The following TASP1 variants were observed in gnomAD, a reference collection of about 807,000 sequenced individuals.
TASP1 encodes the protein taspase 1.
Under a neutral mutation model 56.6 loss-of-function variants are expected in TASP1, and 16 were observed. That is an observed-to-expected ratio of 0.28 (90% CI 0.19 to 0.43). The LOEUF is 0.43. Ranked by LOEUF, TASP1 falls within the 20% of genes least tolerant of loss-of-function variation. TASP1 has a pLI of 1.00. For synonymous variants in TASP1, 179 were observed against 184.2 expected, an observed-to-expected ratio of 0.97 and a Z score of 0.23; for missense variants, 393 against 511.6, an observed-to-expected ratio of 0.77 and a Z score of 2.24.
intron 8 of TASP1, 99 bp downstream of exon 8, chr20:13,558,909 T>A: frequency 1.5e-6 from 1 of 657,500 alleles, no homozygotes; most frequent in South Asian, 4.0e-5. Context: ...GTGACACACA[T>A]TCTATTTCTA....
At chr20:13,315,922 C>G in the TASP1 span, among the ~76,000 whole-genome samples, 3 of 151,866 alleles carry the variant, frequency 2.0e-5, no homozygotes, top group Non-Finnish European at 4.4e-5. Context: ...CATCTCAAGA[C>G]AAACTTTTAA....
At position 13,486,440 on chromosome 20, in the gene TASP1, C is replaced by A. The variant is rs991982768; in HGVS notation, c.875-3103G>T. Among the ~76,000 whole-genome samples the A allele has an allele frequency of 7.2e-5, 11 of 152,052 alleles. 1 individual carries two copies. Among genetic ancestry groups the A allele is most frequent in the African/African-American group, 2.7e-4 (11 of 41,412 alleles). On this transcript the variant is annotated intron_variant, in intron 10 of 13. Coordinates refer to ENST00000337743, the MANE Select transcript of TASP1 (RefSeq NM_017714.3). ...AATGGATTAAAACACATAATAAATT[C>A]ATAACTTATGTTTTTAAAAGCACTA... is the stretch of plus-strand genomic sequence containing the variant.
At chr20:13,334,314 A>G in the TASP1 span, among the ~76,000 whole-genome samples, 1 of 152,250 alleles carries the variant, frequency 6.6e-6, no homozygotes, top group African/African-American at 2.4e-5. Flanking sequence ...AGGCTTGGTA[A>G]GGGAAGATGG....
intron 11 of TASP1, among the ~76,000 whole-genome samples, chr20:13,456,161 C>G (rs530561520): frequency 6.6e-6 from 1 of 152,260 alleles, no homozygotes; most frequent in South Asian, 2.1e-4. Context: ...CAAAAACATA[C>G]CAGTCAAGAG....
the TASP1 span, among the ~76,000 whole-genome samples, chr20:13,112,888 A>C: frequency 1.3e-5 from 2 of 152,180 alleles, no homozygotes; most frequent in African/African-American, 2.4e-5. Flanking sequence ...CTATCACCAG[A>C]TATTTCCCAT....
intron 2 of TASP1, among the ~76,000 whole-genome samples, chr20:13,627,986 C>T (rs1200064837): frequency 1.4e-4 from 21 of 152,190 alleles, no homozygotes; most frequent in Admixed American, 6.5e-5. Flanking sequence ...TGGTCTCCTA[C>T]GGAAAATGTT....
intron 8 of TASP1, among the ~76,000 whole-genome samples, chr20:13,545,302 C>T (rs955461449): frequency 2.0e-4 from 30 of 152,014 alleles, no homozygotes; most frequent in African/African-American, 7.2e-4. Context: ...TATGATAGTG[C>T]CATATCCTAG....
intron 10 of TASP1, among the ~76,000 whole-genome samples, chr20:13,525,957 T>C (rs1184039558): frequency 2.0e-5 from 3 of 152,146 alleles, no homozygotes; most frequent in Admixed American, 1.3e-4. Flanking sequence ...AAGCTAGAGG[T>C]ATCTTTAGAC....
the TASP1 span, among the ~76,000 whole-genome samples, chr20:13,258,305 T>A: frequency 6.6e-6 from 1 of 152,006 alleles, no homozygotes. Context: ...ACCCCACAGC[T>A]CTCTCTTTCC....
At chr20:13,299,228 C>G in the TASP1 span, 1 of 1,600,774 alleles carries the variant, frequency 6.2e-7, no homozygotes, top group East Asian at 2.3e-5. The surrounding 1 kb of genome is among the most constrained non-coding windows in gnomAD (Gnocchi z 5.8). Context: ...GCTGCTACGG[C>G]GACAACATGC....
intron 8 of TASP1, among the ~76,000 whole-genome samples, chr20:13,551,958 T>C (rs980178378): frequency 6.6e-6 from 1 of 152,106 alleles, no homozygotes; most frequent in Non-Finnish European, 1.5e-5. Flanking sequence ...TTTGCAGAAA[T>C]TATGGAAGAT....
intron 12 of TASP1, among the ~76,000 whole-genome samples, chr20:13,431,574 A>G (rs2042807553): frequency 6.6e-6 from 1 of 152,210 alleles, no homozygotes; most frequent in Admixed American, 6.5e-5. Flanking sequence ...AATCATAACA[A>G]CAATGGTATT....
chr20:13,400,837 T>C (rs986095937), intron 13 of TASP1, among the ~76,000 whole-genome samples: 6 of 152,238 alleles, frequency 3.9e-5, no homozygotes, highest in East Asian at 3.8e-4. Flanking sequence ...AAGTCATACA[T>C]TGTAACTATC....
At chr20:13,212,850 A>G in the TASP1 span, among the ~76,000 whole-genome samples, 1 of 152,208 alleles carries the variant, frequency 6.6e-6, no homozygotes, top group South Asian at 2.1e-4. Flanking sequence ...CATCCTGTTT[A>G]GAGTTTACAA....
intron 4 of TASP1, among the ~76,000 whole-genome samples, chr20:13,595,645 G>A (rs575625372): frequency 6.6e-6 from 1 of 152,266 alleles, no homozygotes; most frequent in South Asian, 2.1e-4. Context: ...TTACATAATG[G>A]TAAAGGGATC....
At chr20:13,447,846 G>T (rs1486104529) in intron 11 of TASP1, among the ~76,000 whole-genome samples, 1 of 151,896 alleles carries the variant, frequency 6.6e-6, no homozygotes, top group African/African-American at 2.4e-5. Flanking sequence ...TTACTAATTT[G>T]CTATACTCTT....
the TASP1 span, among the ~76,000 whole-genome samples, chr20:13,215,944 T>C: frequency 6.6e-6 from 1 of 152,322 alleles, no homozygotes; most frequent in Admixed American, 6.5e-5. Context: ...GACCCCTTCG[T>C]AGTTCAAAGG....
chr20:13,563,475 A>G (rs1204117781), intron 7 of TASP1, among the ~76,000 whole-genome samples: 3 of 152,122 alleles, frequency 2.0e-5, no homozygotes, highest in African/African-American at 7.2e-5. Flanking sequence ...AAAGCTATCA[A>G]CCAATACCCC....
chr20:13,390,292 C>A lies in TASP1; in HGVS notation c.*68G>T. ...ACAAGAAAGATAAAACAACCAACTTCAGTTAAAAACCCCCAAAAGCTCAGG... is the reference window on the plus strand; with the variant it reads ...ACAAGAAAGATAAAACAACCAACTTAAGTTAAAAACCCCCAAAAGCTCAGG... On this transcript the variant is annotated 3_prime_UTR_variant, in exon 14 of 14. Transcript: ENST00000337743. 7.1e-7 allele frequency: 1 copy of A among 1,402,632 alleles called. No homozygotes were observed. Among genetic ancestry groups the A allele is most frequent in the Non-Finnish European group, 1.0e-6 (1 of 1,002,724 alleles). 86.9% of individuals were successfully genotyped at this position (1,402,632 alleles called of 1,614,324 possible).
Sources: gnomAD v4.1 joint callset for allele counts (sites outside exome capture counted in the v4.1 genomes callset) on GRCh38, gnomAD v4.1.1 for gene constraint, Gnocchi (gnomAD v3.1) non-coding constraint, MANE v1.5 for transcripts, NCBI Gene and HGNC (gene_info 2026-07-23, HGNC 2026-07-21) for gene names.